The following DNM3 variants were observed in gnomAD, a reference collection of about 807,000 sequenced individuals.
The protein encoded by DNM3 is dynamin 3, also known as dynamin-3.
A neutral mutation model predicts 101.6 loss-of-function variants in DNM3; 47 were observed. The ratio of observed to expected loss-of-function variants is 0.46; its 90% CI spans 0.37 to 0.59. The LOEUF (loss-of-function observed/expected upper bound fraction) is 0.59, where lower values mean the gene tolerates loss of function less well. Among genes scored for constraint, DNM3 ranks in the 20% least tolerant of loss-of-function variants. The pLI, the probability that DNM3 is intolerant of heterozygous loss-of-function variation, is 0.00. For synonymous variants in DNM3, 385 were observed against 387.9 expected (o/e 0.99, Z 0.09); for missense variants, 849 against 1,085.7 (o/e 0.78, Z 3.06).
chr1:172,232,096 A>T (rs959725033), intron 14 of DNM3, among the ~76,000 whole-genome samples: 2 of 152,220 alleles, frequency 1.3e-5, no homozygotes, highest in African/African-American at 4.8e-5. Flanking sequence ...AAGACTGGCA[A>T]ATTGGATAAA....
chr1:172,405,658 T>C (rs988350019), intron 20 of DNM3, among the ~76,000 whole-genome samples: 1 of 152,012 alleles, frequency 6.6e-6, no homozygotes, highest in Admixed American at 6.6e-5. Context: ...TTATCAAAAC[T>C]TCTGGTAGAA....
chr1:172,215,709 C>G (rs2060670118), intron 14 of DNM3, among the ~76,000 whole-genome samples: 1 of 151,862 alleles, frequency 6.6e-6, no homozygotes, highest in Non-Finnish European at 1.5e-5. Flanking sequence ...ATTCGTTGGA[C>G]TCAATAGTCA....
chr1:172,245,882 G>C (rs908947519), intron 14 of DNM3, among the ~76,000 whole-genome samples: 1 of 152,152 alleles, frequency 6.6e-6, no homozygotes, highest in Non-Finnish European at 1.5e-5. Context: ...CTGCTATAAA[G>C]AACTACCTGA....
chr1:172,394,267 A>G (rs1049592646), intron 20 of DNM3: 1 of 152,234 alleles, frequency 6.6e-6, no homozygotes, highest in Non-Finnish European at 1.5e-5. Context: ...GATGACTGGC[A>G]GTCTGTTTAG....
At chr1:172,104,017 A>G (rs1028649377) in intron 13 of DNM3, among the ~76,000 whole-genome samples, 7 of 152,218 alleles carry the variant, frequency 4.6e-5, no homozygotes, top group Admixed American at 4.6e-4. Context: ...AAAGTTACAG[A>G]CCAGCCTTAT....
intron 15 of DNM3, among the ~76,000 whole-genome samples, chr1:172,286,066 A>ATT (rs1039478592): frequency 1.1e-4 from 11 of 103,824 alleles, no homozygotes; most frequent in East Asian, 2.8e-4. Flanking sequence ...AAAGTGAGTT[A>ATT]TTTATATATA....
intron 13 of DNM3, among the ~76,000 whole-genome samples, chr1:172,120,679 C>CTA (rs2056249555): frequency 6.6e-6 from 1 of 152,342 alleles, no homozygotes; most frequent in South Asian, 2.1e-4. Context: ...GTGCTGAATA[C>CTA]TATAAGTATG....
intron 14 of DNM3, among the ~76,000 whole-genome samples, chr1:172,169,075 T>C (rs2058853888): frequency 6.6e-6 from 1 of 151,906 alleles, no homozygotes; most frequent in Non-Finnish European, 1.5e-5. Context: ...TTTTGAGCGC[T>C]CACCATAGTA....
intron 17 of DNM3, among the ~76,000 whole-genome samples, chr1:172,371,166 G>A (rs1259044593): frequency 6.6e-6 from 1 of 151,872 alleles, no homozygotes; most frequent in Non-Finnish European, 1.5e-5. Context: ...CTGCTATTTT[G>A]GAATAGTTTT....
chr1:172,263,676 G>A (rs1573199082), intron 15 of DNM3, among the ~76,000 whole-genome samples: 2 of 152,096 alleles, frequency 1.3e-5, no homozygotes, highest in East Asian at 1.9e-4. Context: ...ACTATCATGA[G>A]AACAGCATGG....
intron 20 of DNM3, among the ~76,000 whole-genome samples, chr1:172,391,089 G>A (rs2069500973): frequency 6.6e-6 from 1 of 152,214 alleles, no homozygotes; most frequent in South Asian, 2.1e-4. Context: ...TGGATGGCCG[G>A]CACATGGGCA....
chr1:171,868,877 G>T (rs2035013272), intron 1 of DNM3, among the ~76,000 whole-genome samples: 1 of 151,900 alleles, frequency 6.6e-6, no homozygotes, highest in Admixed American at 6.6e-5. Flanking sequence ...TCTGCCTCCC[G>T]GGTTCAAGCG....
intron 9 of DNM3, among the ~76,000 whole-genome samples, chr1:172,045,003 G>A (rs1324410140): frequency 8.9e-5 from 1 of 11,212 alleles, no homozygotes; most frequent in African/African-American, 1.1e-3. Context: ...TGGAATGGAG[G>A]TTGTTGAGGA....
intron 2 of DNM3, among the ~76,000 whole-genome samples, chr1:171,959,886 GT>G (rs988356103): frequency 2.0e-5 from 3 of 152,164 alleles, no homozygotes; most frequent in African/African-American, 7.2e-5. Context: ...GCCAACTGAA[GT>G]GGGGAGAGGG....
chr1:172,090,598 T>G (rs1215517468), intron 12 of DNM3, among the ~76,000 whole-genome samples: 1 of 152,162 alleles, frequency 6.6e-6, no homozygotes, highest in African/African-American at 2.4e-5. Flanking sequence ...AAGTTGAAAT[T>G]AGCAAATTTT....
chr1:171,966,401 G>T (rs2043590358), intron 2 of DNM3, among the ~76,000 whole-genome samples: 1 of 151,896 alleles, frequency 6.6e-6, no homozygotes, highest in Admixed American at 6.6e-5. Flanking sequence ...GGCAGAGGGT[G>T]GGGTTCACAG....
At chr1:172,054,075 T>TTA (rs1306409514) in intron 10 of DNM3, among the ~76,000 whole-genome samples, 1 of 152,136 alleles carries the variant, frequency 6.6e-6, no homozygotes, top group Non-Finnish European at 1.5e-5. Context: ...TATATTGTAA[T>TTA]TATATATATA....
intron 1 of DNM3, among the ~76,000 whole-genome samples, chr1:171,881,422 T>G (rs2036257709): frequency 6.6e-6 from 1 of 152,200 alleles, no homozygotes; most frequent in Admixed American, 6.6e-5. Context: ...ATTATGAAAA[T>G]TCTCCTGTGA....
chr1:172,329,683 T>G (rs1279572587), intron 17 of DNM3, among the ~76,000 whole-genome samples: 1 of 151,954 alleles, frequency 6.6e-6, no homozygotes, highest in Non-Finnish European at 1.5e-5. Context: ...ACAAGTAAAA[T>G]ACCTGAAGCA....
Sources: gnomAD v4.1 joint callset for allele counts (sites outside exome capture counted in the v4.1 genomes callset) on GRCh38, gnomAD v4.1.1 for gene constraint, MANE v1.5 for transcripts, NCBI Gene and HGNC (gene_info 2026-07-23, HGNC 2026-07-21) for gene names.